CDO1: variants seen among roughly 807,000 people sequenced by gnomAD.
CDO1 encodes the protein cysteine dioxygenase type 1.
A neutral mutation model predicts 24.5 loss-of-function variants in CDO1; 19 were observed. That is an observed-to-expected ratio of 0.77 (90% CI 0.54 to 1.14). The LOEUF (loss-of-function observed/expected upper bound fraction) is 1.14. CDO1 is among the 50% of genes most tolerant of loss of function. The probability of loss-of-function intolerance (pLI) is 0.00; values close to 1 mark genes in which losing one functional copy is unlikely to be tolerated. For missense variants in CDO1, 244 were observed against 244.8 expected, an observed-to-expected ratio of 1.00 and a Z score of 0.02; for synonymous variants, 91 against 87.0, an observed-to-expected ratio of 1.05 and a Z score of -0.26.
In CDO1 at chr5:115,804,843, TG is replaced by T. The variant is rs936648363; in HGVS notation, c.*589del. On this transcript the variant is annotated 3_prime_UTR_variant, in exon 5 of 5. Coordinates refer to ENST00000250535, the MANE Select transcript of CDO1 (RefSeq NM_001801.3). The stretch of plus-strand genomic sequence containing the variant: ...GTTTATGTTTTGGTTTGTTGTGGTC[TG>T]GGGATCATGTACTTTTCTAAATCCT... The T allele has an allele frequency of 2.6e-5, 4 of 152,194 alleles. No individual in the cohort carries two copies. Among genetic ancestry groups the T allele is most frequent in the Non-Finnish European group, 2.9e-5 (2 of 68,054 alleles). 9.4% of individuals were successfully genotyped at this position (152,194 alleles called of 1,614,324 possible).
At chr5:115,815,178 T>C (rs2112696523) in intron 1 of CDO1, among the ~76,000 whole-genome samples, 1 of 152,294 alleles carries the variant, frequency 6.6e-6, no homozygotes, top group Non-Finnish European at 1.5e-5. Context: ...CTTACTTCTT[T>C]CCTTATTCTT....
chr5:115,812,114 T>A lies in CDO1; in HGVS notation c.249-799A>T, dbSNP rs1760214224. 3.3e-5 allele frequency among the ~76,000 whole-genome samples: 5 copies of A among 152,262 alleles called. No individual in the cohort carries two copies. The South Asian group carries it at 1.0e-3, about 32-fold the overall frequency. On this transcript the variant is annotated intron_variant, in intron 2 of 4. Transcript: ENST00000250535. ...TATATGTACCATAAAAAGAATTTGTTTCCTAAATCCACAGAGTCTAGTCCC... is the reference window on the plus strand; with the variant it reads ...TATATGTACCATAAAAAGAATTTGTATCCTAAATCCACAGAGTCTAGTCCC...
At chr5:115,810,967 T>G (rs1760162027) in intron 3 of CDO1, among the ~76,000 whole-genome samples, 194 bp downstream of exon 3, 1 of 152,220 alleles carries the variant, frequency 6.6e-6, no homozygotes, top group Non-Finnish European at 1.5e-5. Context: ...CATGCATATG[T>G]TTTCAATAAG....
intron 3 of CDO1, among the ~76,000 whole-genome samples, chr5:115,810,304 A>G (rs561471867): frequency 6.6e-6 from 1 of 152,318 alleles, no homozygotes; most frequent in African/African-American, 2.4e-5. Context: ...TGACTTGTAT[A>G]TAGGCCAAAT....
intron 1 of CDO1, chr5:115,813,749 T>G (rs1760303685): frequency 6.5e-6 from 1 of 154,174 alleles, no homozygotes; most frequent in South Asian, 2.0e-4. Context: ...CAAAAGCCCT[T>G]ATAATGAAAA....
chr5:115,816,348 C>A lies in CDO1; in HGVS notation c.50G>T (p.Arg17Leu), dbSNP rs751912991. The change falls in exon 1 of 5, where the codon CGC becomes CTC. Residue 17 changes from arginine to leucine, a missense_variant. Physicochemically the swap from Arg to Leu is moderately radical, Grantham distance 102. Transcript: ENST00000250535. ...LKPRTLADLIRILHQLFAGDE... is the reference protein window; with the variant it reads ...LKPRTLADLILILHQLFAGDE... ...GCCGGCAAAGAGCTGGTGCAGGATG[C>A]GGATCAGATCAGCCAGGGTCCGTGG... 7.4e-6 allele frequency: 12 copies of A among 1,613,944 alleles called. No homozygotes were observed. The South Asian group carries it at 7.7e-5, about 10-fold the overall frequency.
In CDO1 at chr5:115,806,513, T is replaced by C. The variant is rs17852213; in HGVS notation, c.409A>G (p.Ile137Val). ...ENQCAYINDS[I>V]GLHRVENISH... The stretch of plus-strand genomic sequence containing the variant: ...ATGTTCTCTACTCGATGTAAGCCAA[T>C]GGAATCTAAACAATATCCGGGAAGG... The change falls in exon 4 of 5, where the codon ATT becomes GTT. Residue 137 changes from isoleucine to valine, a missense_variant. Coordinates refer to ENST00000250535, the MANE Select transcript of CDO1 (RefSeq NM_001801.3). 1.9e-6 allele frequency: 3 copies of C among 1,605,318 alleles called. No individual in the cohort carries two copies. The highest frequency in any genetic ancestry group is 2.2e-5 in the East Asian group (1 of 44,478).
Position 115,816,248 on chromosome 5 carries a change from G to C in CDO1, c.150C>G (p.Tyr50Ter). 1 of 1,614,184 alleles carries C rather than the reference G, an allele frequency of 6.2e-7. No individual in the cohort carries two copies. The highest frequency in any genetic ancestry group is 8.5e-7 in the Non-Finnish European group (1 of 1,180,018). Residue 50 changes from tyrosine (Y) to a stop codon, truncating the protein, a stop_gained, in exon 1 of 5, where the codon TAC (tyrosine) becomes TAG (stop). Transcript: ENST00000250535. LOFTEE classifies it high-confidence loss of function. Reference protein sequence around the residue: ...YESDPTEWAMYAKFDQYRYTR... With the variant: ...YESDPTEWAM ...CTCACCTGTACTGGTCGAACTTGGCGTACATTGCCCACTCGGTGGGGTCGC... is the reference window on the plus strand; with the variant it reads ...CTCACCTGTACTGGTCGAACTTGGCCTACATTGCCCACTCGGTGGGGTCGC...
rs1181789190 is a variant in CDO1 at position 115,807,025 on chromosome 5, T to C, written c.404-507A>G. On this transcript the variant is annotated intron_variant, in intron 3 of 4. Transcript: ENST00000250535. ...TCAAAACCCTTTTACCAATTCTCTC[T>C]CTTCTTTCTTTTCAGCAGCAGAGTA... Among the ~76,000 whole-genome samples, 8 of 152,302 alleles carry C rather than the reference T, an allele frequency of 5.3e-5. No homozygotes were observed. In the East Asian group the frequency reaches 1.5e-3, roughly 29 times the overall value.
At position 115,806,344 on chromosome 5, in the gene CDO1, C is replaced by A. The variant is rs1377229009; in HGVS notation, c.573+5G>T. 1 of 1,594,632 alleles carries A rather than the reference C, an allele frequency of 6.3e-7. No homozygotes were observed. The highest frequency in any genetic ancestry group is 8.5e-7 in the Non-Finnish European group (1 of 1,171,950). On this transcript the variant is annotated splice_donor_5th_base_variant and intron_variant, in intron 4 of 4. Coordinates refer to ENST00000250535, the MANE Select transcript of CDO1 (RefSeq NM_001801.3). ...GCATTTAAACCTAGAAGAAATTATA[C>A]TCACATTTGGAGTTCTGATTCCAAA...
At chr5:115,814,044 A>G (rs368024341) in intron 1 of CDO1, 25 of 152,358 alleles carry the variant, frequency 1.6e-4, no homozygotes, top group African/African-American at 5.1e-4. Flanking sequence ...CATAATTATG[A>G]CATTCATTTA....
chr5:115,812,222 A>G (rs1760220109), intron 2 of CDO1, among the ~76,000 whole-genome samples: 1 of 152,232 alleles, frequency 6.6e-6, no homozygotes, highest in South Asian at 2.1e-4. Context: ...AATGCACTCT[A>G]CAGACCTAAC....
At chr5:115,810,430 T>C (rs1373556038) in intron 3 of CDO1, among the ~76,000 whole-genome samples, 1 of 152,224 alleles carries the variant, frequency 6.6e-6, no homozygotes, top group Non-Finnish European at 1.5e-5. Flanking sequence ...CATAGGTTTT[T>C]CAATCAAATT....
intron 3 of CDO1, among the ~76,000 whole-genome samples, chr5:115,808,969 G>A (rs112357747): frequency 0.017 from 2,575 of 152,202 alleles, 27 homozygotes; most frequent in Middle Eastern, 0.024. Flanking sequence ...GGTAATTAGC[G>A]ATGCTATCTT....
rs945072318 is a variant in CDO1, at chr5:115,816,148, T to G, written c.170+80A>C. 16 of 1,450,168 alleles carry G rather than the reference T, an allele frequency of 1.1e-5. No homozygotes were observed. In the South Asian group the frequency reaches 2.0e-4, roughly 19 times the overall value. 89.8% of individuals were successfully genotyped at this position (1,450,168 alleles called of 1,614,324 possible). ...CCCGAGCTTCCCGAGCCAGTCACTT[T>G]GGGCTGCGTCCCCCACGTCCATTCC... On this transcript the variant is annotated intron_variant, in intron 1 of 4. Coordinates refer to ENST00000250535, the MANE Select transcript of CDO1 (RefSeq NM_001801.3).
intron 2 of CDO1, among the ~76,000 whole-genome samples, chr5:115,812,556 T>C (rs777275657): frequency 1.3e-5 from 2 of 152,188 alleles, no homozygotes; most frequent in African/African-American, 2.4e-5. Context: ...ACCACAAATG[T>C]CAAGTGTAAA....
In CDO1 at chr5:115,810,566, C is replaced by T. The variant is rs187296048; in HGVS notation, c.403+595G>A. On this transcript the variant is annotated intron_variant, in intron 3 of 4. Transcript: ENST00000250535. Reference sequence around the variant, plus strand: ...AAAAACTATCTATCTGTCTCATATACATTTTAATGAGCTTTTTGGAAAGTT... The same window carrying T: ...AAAAACTATCTATCTGTCTCATATATATTTTAATGAGCTTTTTGGAAAGTT... Among the ~76,000 whole-genome samples, 46 of 152,306 alleles carry T rather than the reference C, an allele frequency of 3.0e-4. No homozygotes were observed. In the South Asian group the frequency reaches 3.3e-3, roughly 11 times the overall value.
intron 2 of CDO1, 126 bp from the exon 3 acceptor site, chr5:115,811,441 T>G: frequency 1.6e-6 from 1 of 631,502 alleles, no homozygotes; most frequent in Non-Finnish European, 2.7e-6. Context: ...AAAATCCATT[T>G]CAGCTGAATT....
chr5:115,811,015 C>A, intron 3 of CDO1, 146 bp downstream of exon 3: 1 of 784,424 alleles, frequency 1.3e-6, no homozygotes, highest in Non-Finnish European at 2.1e-6. Context: ...AAAAACAAAA[C>A]CTGCTATGTT....
Sources: allele counts gnomAD v4.1 joint callset (sites outside exome capture counted in the v4.1 genomes callset), GRCh38; gene constraint gnomAD v4.1.1; transcripts MANE v1.5; gene names NCBI Gene and HGNC (gene_info 2026-07-23, HGNC 2026-07-21).